The following CMSS1 variants were observed in gnomAD, a reference collection of about 807,000 sequenced individuals.
CMSS1 encodes the protein protein CMSS1.
Under a neutral mutation model 43.5 loss-of-function variants are expected in CMSS1, and 33 were observed. The observed-to-expected ratio is 0.76, with a 90% CI of 0.57 to 1.01. The LOEUF is 1.01. Among genes scored for constraint, CMSS1 ranks in the 50% least tolerant of loss-of-function variants. The pLI is 0.00. For synonymous variants in CMSS1, 115 were observed against 117.2 expected (o/e 0.98, Z 0.12); for missense variants, 313 against 326.4 (o/e 0.96, Z 0.32).
intron 1 of CMSS1, among the ~76,000 whole-genome samples, chr3:99,952,881 A>G (rs1271087991): frequency 6.6e-6 from 1 of 152,210 alleles, no homozygotes; most frequent in East Asian, 1.9e-4. Flanking sequence ...GCATAATGAA[A>G]AAAAGAATGC....
chr3:99,980,345 T>A (rs187573513), intron 1 of CMSS1, among the ~76,000 whole-genome samples: 53 of 152,258 alleles, frequency 3.5e-4, no homozygotes, highest in African/African-American at 1.3e-3. Context: ...AAGTCTTGCA[T>A]TGGATGTTTT....
At chr3:100,165,232 A>G (rs1021479776) in intron 4 of CMSS1, among the ~76,000 whole-genome samples, 2 of 152,218 alleles carry the variant, frequency 1.3e-5, no homozygotes, top group Admixed American at 1.3e-4. Context: ...TATAGGAGAA[A>G]ACAGCTTTGA....
chr3:100,118,976 G>T (rs1005055025), intron 1 of CMSS1, among the ~76,000 whole-genome samples: 1 of 152,118 alleles, frequency 6.6e-6, no homozygotes, highest in African/African-American at 2.4e-5. Flanking sequence ...TGGTCGTGTT[G>T]TTGTTTTTTT....
chr3:100,141,707 G>C, intron 1 of CMSS1: 1 of 386,010 alleles, frequency 2.6e-6, no homozygotes. Context: ...GTTGAAAAAG[G>C]ACAGTGTACT....
chr3:100,172,010 A>G, intron 7 of CMSS1, 111 bp downstream of exon 7: 1 of 839,496 alleles, frequency 1.2e-6, no homozygotes, highest in Non-Finnish European at 1.9e-6. Context: ...TTCCTTCCTT[A>G]TGTAACATTT....
chr3:100,047,003 A>G (rs533030185), intron 1 of CMSS1, among the ~76,000 whole-genome samples: 41 of 152,382 alleles, frequency 2.7e-4, no homozygotes, highest in Admixed American at 2.4e-3. Context: ...ATAATTGACT[A>G]TCAACAGTGC....
chr3:100,120,148 T>C (rs1238239249), intron 1 of CMSS1, among the ~76,000 whole-genome samples: 7 of 152,274 alleles, frequency 4.6e-5, no homozygotes, highest in Admixed American at 4.6e-4. Flanking sequence ...TATCTCTTCA[T>C]GTTCTTCAAT....
chr3:100,082,516 G>A (rs552711951), intron 1 of CMSS1, among the ~76,000 whole-genome samples: 1 of 152,180 alleles, frequency 6.6e-6, no homozygotes, highest in Admixed American at 6.5e-5. Flanking sequence ...GGAATCTCTT[G>A]GAGAAGACAG....
intron 1 of CMSS1, among the ~76,000 whole-genome samples, chr3:100,069,042 G>A (rs1262315096): frequency 6.6e-6 from 1 of 152,106 alleles, no homozygotes; most frequent in African/African-American, 2.4e-5. Context: ...CGTGATTTGG[G>A]CACTTCATAA....
intron 1 of CMSS1, among the ~76,000 whole-genome samples, chr3:99,958,134 T>C (rs939215744): frequency 6.7e-5 from 10 of 150,294 alleles, no homozygotes; most frequent in Non-Finnish European, 1.0e-4. Flanking sequence ...GTTTGTTACA[T>C]AGGTGAATCT....
At chr3:100,160,013 G>A (rs2067009303) in intron 2 of CMSS1, 2 of 438,554 alleles carry the variant, frequency 4.6e-6, no homozygotes, top group African/African-American at 2.0e-5. Context: ...TGGAAATGTA[G>A]GCTCACACAC....
In CMSS1 at chr3:99,849,550, T is replaced by G. The variant is rs199915987; in HGVS notation, c.64+31507T>G. On this transcript the variant is annotated intron_variant, in intron 1 of 9. Coordinates refer to ENST00000421999, the MANE Select transcript of CMSS1 (RefSeq NM_032359.4). The stretch of plus-strand genomic sequence containing the variant: ...TCTTGAGAGGTGCCCTGACTTAGCT[T>G]CTTCTTCTTGAAGCCTTTTGAAAAG... The G allele has an allele frequency of 1.2e-4, 187 of 1,613,428 alleles. No individual in the cohort carries two copies. The highest frequency in any genetic ancestry group is 6.6e-4 in the Middle Eastern group (4 of 6,060).
At position 100,010,775 on chromosome 3, in the gene CMSS1, C is replaced by T. The variant is rs534938711; in HGVS notation, c.65-136198C>T. 2.8e-3 allele frequency among the ~76,000 whole-genome samples: 298 copies of T among 105,460 alleles called. 1 individual carries two copies. Among genetic ancestry groups the T allele is most frequent in the Admixed American group, 6.8e-3 (59 of 8,684 alleles). The allele number at this position is 105,460 out of a possible 152,430, so 69.2% of individuals were successfully genotyped here. On this transcript the variant is annotated intron_variant, in intron 1 of 9. Coordinates refer to ENST00000421999, the MANE Select transcript of CMSS1 (RefSeq NM_032359.4). ...GATTACAGGTGCGCGCCTCCACGCC[C>T]GGATTTTTTTTTTTTTTTTTTTTTG...
chr3:99,958,709 C>G (rs1345712709), intron 1 of CMSS1, among the ~76,000 whole-genome samples: 2 of 152,146 alleles, frequency 1.3e-5, no homozygotes, highest in South Asian at 4.1e-4. Context: ...GAGGCATGAG[C>G]CAGCAGGGCT....
Position 99,904,781 on chromosome 3 carries a change from A to G in CMSS1, c.64+86738A>G, listed in dbSNP as rs191816973. On this transcript the variant is annotated intron_variant, in intron 1 of 9. Coordinates refer to ENST00000421999, the MANE Select transcript of CMSS1 (RefSeq NM_032359.4). ...CGTTCTATCCATCCTCTTTTGCTCT[A>G]GAATCTTCAATCTCAGTTGGCTTTT... Among the ~76,000 whole-genome samples the G allele has an allele frequency of 2.6e-5, 4 of 152,256 alleles. No individual in the cohort carries two copies. In the East Asian group the frequency reaches 7.7e-4, roughly 29 times the overall value.
chr3:99,901,641 CTAAA>C (rs1439779061), intron 1 of CMSS1, among the ~76,000 whole-genome samples: 3 of 152,162 alleles, frequency 2.0e-5, no homozygotes, highest in African/African-American at 7.2e-5. Context: ...TATTCTAAAG[CTAAA>C]TAGTCAAAGT....
chr3:99,852,690 T>C lies in CMSS1; in HGVS notation c.64+34647T>C, dbSNP rs541989131. ...CGATCTCCTGACCTTGTGATCCACC[T>C]GCCTCGGCCTCCCAAAGTGCTGAGA... On this transcript the variant is annotated intron_variant, in intron 1 of 9. Transcript: ENST00000421999. Among the ~76,000 whole-genome samples the C allele has an allele frequency of 5.3e-5, 8 of 152,210 alleles. No individual in the cohort carries two copies. The East Asian group carries it at 1.5e-3, about 29-fold the overall frequency.
rs188885517 is a variant in CMSS1 at position 99,916,612 on chromosome 3, A to G, written c.64+98569A>G. On this transcript the variant is annotated intron_variant, in intron 1 of 9. Transcript: ENST00000421999. ...ATTAGTAATCACAGGAACCTATGAG[A>G]TCTCTATCATTTTTTAAACAGATGG... Among the ~76,000 whole-genome samples, 346 of 152,132 alleles carry G rather than the reference A, an allele frequency of 2.3e-3. 10 individuals are homozygous for G. The highest frequency in any genetic ancestry group is 0.021 in the Admixed American group (321 of 15,288).
chr3:99,995,084 C>T (rs985530335), intron 1 of CMSS1, among the ~76,000 whole-genome samples: 7 of 152,206 alleles, frequency 4.6e-5, no homozygotes, highest in East Asian at 1.9e-4. Context: ...TAACCCAAAA[C>T]GCGCAGTCCA....
Sources: allele counts gnomAD v4.1 joint callset (sites outside exome capture counted in the v4.1 genomes callset), GRCh38; gene constraint gnomAD v4.1.1; transcripts MANE v1.5; gene names NCBI Gene and HGNC (gene_info 2026-07-23, HGNC 2026-07-21).